The following C10orf90 variants were observed in gnomAD, a reference collection of about 807,000 sequenced individuals.
C10orf90 encodes (E2-independent) E3 ubiquitin-conjugating enzyme FATS.
C10orf90 carries 56 observed loss-of-function variants against 62.5 expected under a neutral mutation model. That is an observed-to-expected ratio of 0.90 (90% CI 0.72 to 1.12). The LOEUF (loss-of-function observed/expected upper bound fraction) is 1.12. Ranked by LOEUF, C10orf90 falls within the 50% of genes most tolerant of loss-of-function variation. The probability of loss-of-function intolerance (pLI) is 0.00; values close to 1 mark genes in which losing one functional copy is unlikely to be tolerated. For missense variants in C10orf90, 970 were observed against 880.4 expected (o/e 1.10, Z -1.29); for synonymous variants, 386 against 340.4 (o/e 1.13, Z -1.47).
chr10:126,641,125 A>G (rs1846050626), intron 2 of C10orf90, among the ~76,000 whole-genome samples: 1 of 152,224 alleles, frequency 6.6e-6, no homozygotes. Context: ...TTAACAGAGA[A>G]GCTGCATTTA....
At chr10:126,483,661 A>C (rs1861276704) in intron 4 of C10orf90, among the ~76,000 whole-genome samples, 1 of 152,260 alleles carries the variant, frequency 6.6e-6, no homozygotes. Flanking sequence ...CTTCAGAATA[A>C]GACTTCAGCA....
chr10:126,476,051 C>T (rs1860842163), intron 4 of C10orf90, among the ~76,000 whole-genome samples: 1 of 152,178 alleles, frequency 6.6e-6, no homozygotes, highest in Admixed American at 6.5e-5. Context: ...TTCCTCCCTC[C>T]AGCCCCGTCA....
At chr10:126,470,934 T>C (rs1194668864) in intron 4 of C10orf90, among the ~76,000 whole-genome samples, 1 of 152,184 alleles carries the variant, frequency 6.6e-6, no homozygotes, top group Non-Finnish European at 1.5e-5. Context: ...TCACGTGGGA[T>C]TGGGTCTCCA....
At chr10:126,460,560 C>G (rs1590945162) in intron 6 of C10orf90, among the ~76,000 whole-genome samples, 2 of 152,230 alleles carry the variant, frequency 1.3e-5, no homozygotes, top group South Asian at 4.1e-4. Context: ...GTACAAGTCA[C>G]TGGATGTGCT....
chr10:126,485,475 G>A (rs184339987), intron 4 of C10orf90, among the ~76,000 whole-genome samples: 5 of 152,170 alleles, frequency 3.3e-5, no homozygotes, highest in East Asian at 3.9e-4. Context: ...CAATGATGAC[G>A]ATTAAACTCA....
chr10:126,451,645 A>G (rs1859200552), intron 7 of C10orf90, among the ~76,000 whole-genome samples: 1 of 152,024 alleles, frequency 6.6e-6, no homozygotes, highest in South Asian at 2.1e-4. Context: ...TGTATAATGT[A>G]TATATACACA....
At chr10:126,527,578 G>A (rs953212286) in intron 2 of C10orf90, among the ~76,000 whole-genome samples, 2 of 152,226 alleles carry the variant, frequency 1.3e-5, no homozygotes, top group Non-Finnish European at 2.9e-5. Flanking sequence ...GGGGCTGAGA[G>A]AATGTTCTTT....
Position 126,425,545 on chromosome 10 carries a change from TGGGCAGGAAACAGCA to T in C10orf90, c.*304_*318del, listed in dbSNP as rs1857215977. 2 of 360,596 alleles carry T rather than the reference TGGGCAGGAAACAGCA, an allele frequency of 5.5e-6. No homozygotes were observed. Among genetic ancestry groups the T allele is most frequent in the South Asian group, 1.7e-4 (2 of 11,458 alleles). 22.3% of individuals were successfully genotyped at this position (360,596 alleles called of 1,614,324 possible). ...ACTTGCTTGTATCAGGCCTCTCTGATGGGCAGGAAACAGCAGGGGAGAAGAAATCAGAAGCAAAAG... is the reference window on the plus strand; with the variant it reads ...ACTTGCTTGTATCAGGCCTCTCTGATGGGGAGAAGAAATCAGAAGCAAAAG... On this transcript the variant is annotated 3_prime_UTR_variant, in exon 10 of 10. Coordinates refer to ENST00000488181, the MANE Select transcript of C10orf90 (RefSeq NM_001350921.2).
intron 2 of C10orf90, among the ~76,000 whole-genome samples, chr10:126,603,548 T>C (rs773139937): frequency 5.3e-5 from 8 of 152,174 alleles, no homozygotes; most frequent in Non-Finnish European, 8.8e-5. Context: ...ACAATATACC[T>C]GAGTTTCACC....
At chr10:126,513,478 T>G (rs1455410926) in intron 3 of C10orf90, among the ~76,000 whole-genome samples, 2 of 152,226 alleles carry the variant, frequency 1.3e-5, no homozygotes, top group Non-Finnish European at 2.9e-5. Context: ...TCCTCCCTAT[T>G]CAGACCACTG....
Position 126,444,893 on chromosome 10 carries a change from C to T in C10orf90, c.2188+14147G>A, listed in dbSNP as rs60326743. 0.02 allele frequency among the ~76,000 whole-genome samples: 3,008 copies of T among 152,116 alleles called. 239 individuals are homozygous for T. The East Asian group carries it at 0.29, about 15-fold the overall frequency. Reference sequence around the variant, plus strand: ...AATACTTACAGCCACTGATCTTTGACAAAGCAAACAAAAACATAAAGTGGG... The same window carrying T: ...AATACTTACAGCCACTGATCTTTGATAAAGCAAACAAAAACATAAAGTGGG... On this transcript the variant is annotated intron_variant, in intron 7 of 9. Transcript: ENST00000488181.
intron 1 of C10orf90, among the ~76,000 whole-genome samples, chr10:126,667,571 T>A (rs903004256): frequency 3.3e-5 from 5 of 152,128 alleles, no homozygotes; most frequent in African/African-American, 1.2e-4. Flanking sequence ...GCACCTACCA[T>A]CAGAAAGGTC....
chr10:126,657,061 T>C (rs1846409086), intron 1 of C10orf90, among the ~76,000 whole-genome samples: 1 of 152,216 alleles, frequency 6.6e-6, no homozygotes, highest in Admixed American at 6.5e-5. Flanking sequence ...GCCAGTTTCA[T>C]GGGTGTGAGA....
At chr10:126,600,701 G>T (rs1355015134) in intron 2 of C10orf90, among the ~76,000 whole-genome samples, 1 of 152,128 alleles carries the variant, frequency 6.6e-6, no homozygotes, top group Non-Finnish European at 1.5e-5. Context: ...ACACATAAAA[G>T]ACTGAATGTG....
intron 2 of C10orf90, among the ~76,000 whole-genome samples, chr10:126,605,470 C>T (rs1845288483): frequency 6.6e-6 from 1 of 152,200 alleles, no homozygotes; most frequent in Non-Finnish European, 1.5e-5. Context: ...TCCTGCAGGA[C>T]AACTGCTCCT....
At chr10:126,493,484 G>A (rs970302989) in intron 4 of C10orf90, among the ~76,000 whole-genome samples, 3 of 151,322 alleles carry the variant, frequency 2.0e-5, no homozygotes, top group African/African-American at 4.9e-5. Context: ...CCTAAGTCTC[G>A]CAAGTAGCTG....
intron 1 of C10orf90, among the ~76,000 whole-genome samples, chr10:126,656,848 C>T (rs2133865857): frequency 6.6e-6 from 1 of 152,280 alleles, no homozygotes; most frequent in South Asian, 2.1e-4. Context: ...TAAGTTATAT[C>T]TTAATAAGGC....
rs1190674595 is a variant in C10orf90 at position 126,512,364 on chromosome 10, ATGTGTGTCTGTGTG to A, written c.405+1470_405+1483del. Among the ~76,000 whole-genome samples, 51 of 26,046 alleles carry A rather than the reference ATGTGTGTCTGTGTG, an allele frequency of 2.0e-3. 1 individual carries two copies. The East Asian group carries it at 0.049, about 25-fold the overall frequency. 17.1% of individuals were successfully genotyped at this position (26,046 alleles called of 152,430 possible). A position where few individuals can be genotyped will look rare whatever the true frequency, so the allele number is the denominator to read the frequency against. On this transcript the variant is annotated intron_variant, in intron 3 of 9. Transcript: ENST00000488181. ...TGTGTGTGTGTCTGTGTGTGTGTGT[ATGTGTGTCTGTGTG>A]TGTGTGTCTGTGTGTGTGTGTGTGT... is the stretch of plus-strand genomic sequence containing the variant.
At chr10:126,476,421 G>A (rs1702624576) in intron 4 of C10orf90, among the ~76,000 whole-genome samples, 1 of 152,176 alleles carries the variant, frequency 6.6e-6, no homozygotes, top group Non-Finnish European at 1.5e-5. Flanking sequence ...AGAAGCACAT[G>A]CCACATGAAA....
Sources: gnomAD v4.1 joint callset for allele counts (sites outside exome capture counted in the v4.1 genomes callset) on GRCh38, gnomAD v4.1.1 for gene constraint, MANE v1.5 for transcripts, NCBI Gene and HGNC (gene_info 2026-07-23, HGNC 2026-07-21) for gene names.